Variants in CSNK1G1 observed in about 807,000 individuals in gnomAD.
The protein encoded by CSNK1G1 is casein kinase 1 gamma 1.
CSNK1G1 carries 22 observed loss-of-function variants against 59.6 expected under a neutral mutation model. The observed-to-expected ratio is 0.37, with a 90% CI of 0.26 to 0.53. The LOEUF (loss-of-function observed/expected upper bound fraction) is 0.53. Ranked by LOEUF, CSNK1G1 falls within the 20% of genes least tolerant of loss-of-function variation. CSNK1G1 has a pLI of 0.89. For missense variants in CSNK1G1, 384 were observed against 519.5 expected (o/e 0.74, Z 2.54); for synonymous variants, 179 against 177.1 (o/e 1.01, Z -0.08).
chr15:64,344,764 T>C (rs1304664699), intron 1 of CSNK1G1, among the ~76,000 whole-genome samples: 2 of 152,192 alleles, frequency 1.3e-5, no homozygotes, highest in African/African-American at 4.8e-5. Context: ...TGTACAATCT[T>C]GAGCAAGTCA....
In CSNK1G1 at chr15:64,171,903, G is replaced by A. The variant is rs199593183; in HGVS notation, c.*28C>T. 203 of 1,602,746 alleles carry A rather than the reference G, an allele frequency of 1.3e-4. No individual in the cohort carries two copies. Among genetic ancestry groups the A allele is most frequent in the Middle Eastern group, 3.3e-4 (2 of 6,024 alleles). On this transcript the variant is annotated 3_prime_UTR_variant, in exon 12 of 12. Transcript: ENST00000303052. This position sits in a 1 kb window ranked among gnomAD's most constrained non-coding sequence, Gnocchi z 4.8. ...AGGTACAATTGAGTCAGAGTCCCCA[G>A]GGCCTGAGGACTCCTGGGAGGCACT...
intron 4 of CSNK1G1, among the ~76,000 whole-genome samples, chr15:64,228,075 T>G (rs1304091930): frequency 3.9e-5 from 6 of 152,094 alleles, no homozygotes; most frequent in Admixed American, 3.9e-4. Context: ...CCTTTTGGCT[T>G]CCCTTATTTT....
intron 4 of CSNK1G1, among the ~76,000 whole-genome samples, chr15:64,237,966 T>C (rs572178946): frequency 2.0e-5 from 3 of 152,324 alleles, no homozygotes; most frequent in South Asian, 2.1e-4. Context: ...AGCTTCTCAG[T>C]TGTATACATG....
intron 1 of CSNK1G1, among the ~76,000 whole-genome samples, chr15:64,316,085 A>C (rs1310933329): frequency 1.3e-5 from 2 of 152,154 alleles, no homozygotes; most frequent in Non-Finnish European, 2.9e-5. Context: ...GGAGTGCAGT[A>C]GCATGGTCAG....
Position 64,300,531 on chromosome 15 carries a change from G to A in CSNK1G1, c.-32C>T. On this transcript the variant is annotated 5_prime_UTR_variant, in exon 2 of 12. Coordinates refer to ENST00000303052, the MANE Select transcript of CSNK1G1 (RefSeq NM_022048.5). ...ACAGGACAGAGTCTCCTATAGTACA[G>A]CAAGTAGCTTCAGTATGTATACCTC... 1.9e-6 allele frequency: 3 copies of A among 1,595,146 alleles called. No individual in the cohort carries two copies. Among genetic ancestry groups the A allele is most frequent in the Admixed American group, 1.7e-5 (1 of 57,280 alleles).
chr15:64,204,892 T>A lies in CSNK1G1; in HGVS notation c.823A>T (p.Ile275Phe). 1 of 1,611,604 alleles carries A rather than the reference T, an allele frequency of 6.2e-7. No individual in the cohort carries two copies. The highest frequency in any genetic ancestry group is 8.5e-7 in the Non-Finnish European group (1 of 1,177,742). Residue 275 changes from isoleucine to phenylalanine, a missense_variant, in exon 8 of 12, where the codon ATT (isoleucine) becomes TTT (phenylalanine). Physicochemically the swap from Ile to Phe is conservative, Grantham distance 21. Transcript: ENST00000303052. The part of the protein sequence containing the change: ...KIGDTKRNTP[I>F]EALCENFPEE... ...GGAAAGTTCTCACAGAGAGCTTCAA[T>A]GGGAGTATTCCTTTTGGTGTCACCA...
intron 1 of CSNK1G1, among the ~76,000 whole-genome samples, chr15:64,333,126 G>A (rs552180916): frequency 4.0e-5 from 6 of 151,546 alleles, no homozygotes; most frequent in South Asian, 2.1e-4. Flanking sequence ...GTATGGTGGC[G>A]GGCACCTGTA....
chr15:64,172,951 C>T (rs1361649376), intron 11 of CSNK1G1, among the ~76,000 whole-genome samples: 1 of 152,054 alleles, frequency 6.6e-6, no homozygotes, highest in East Asian at 1.9e-4. Flanking sequence ...GCAAGGTGTA[C>T]AAGATATGTC....
At chr15:64,245,332 T>C (rs1182921585) in intron 4 of CSNK1G1, among the ~76,000 whole-genome samples, 1 of 152,278 alleles carries the variant, frequency 6.6e-6, no homozygotes, top group African/African-American at 2.4e-5. Flanking sequence ...AGAGAAAATA[T>C]AATATATGCA....
Position 64,169,402 on chromosome 15 carries a change from T to A in CSNK1G1, c.*2529A>T, listed in dbSNP as rs2081639654. On this transcript the variant is annotated 3_prime_UTR_variant, in exon 12 of 12. Transcript: ENST00000303052. ...AGCATGCCACCATGCCCAGCTAATTTTTGTATTTTTTGTAGAGACGGGGTT... is the reference window on the plus strand; with the variant it reads ...AGCATGCCACCATGCCCAGCTAATTATTGTATTTTTTGTAGAGACGGGGTT... The A allele has an allele frequency of 6.6e-6, 1 of 152,096 alleles. No individual in the cohort carries two copies. Among genetic ancestry groups the A allele is most frequent in the African/African-American group, 2.4e-5 (1 of 41,394 alleles). 9.4% of individuals were successfully genotyped at this position (152,096 alleles called of 1,614,324 possible).
intron 4 of CSNK1G1, among the ~76,000 whole-genome samples, chr15:64,225,818 G>A (rs930255369): frequency 6.6e-6 from 1 of 152,100 alleles, no homozygotes; most frequent in Admixed American, 6.5e-5. Context: ...GTAGAGTCGG[G>A]GTTTCGCTAT....
intron 4 of CSNK1G1, among the ~76,000 whole-genome samples, chr15:64,231,382 T>C (rs1380671557): frequency 6.8e-6 from 1 of 147,702 alleles, no homozygotes; most frequent in East Asian, 1.9e-4. Flanking sequence ...AACATATATA[T>C]ATTTGGAGAT....
chr15:64,175,548 C>G (rs1158322699), intron 11 of CSNK1G1, among the ~76,000 whole-genome samples: 1 of 152,146 alleles, frequency 6.6e-6, no homozygotes, highest in Non-Finnish European at 1.5e-5. Flanking sequence ...TCCATAAACT[C>G]CATGTTATTC....
chr15:64,258,841 A>G (rs1296107591), intron 3 of CSNK1G1, among the ~76,000 whole-genome samples: 1 of 152,160 alleles, frequency 6.6e-6, no homozygotes, highest in Non-Finnish European at 1.5e-5. Flanking sequence ...TACAAAAAAT[A>G]AATCAGTTAA....
intron 10 of CSNK1G1, among the ~76,000 whole-genome samples, chr15:64,199,350 G>A (rs982777716): frequency 6.6e-6 from 1 of 150,700 alleles, no homozygotes; most frequent in Admixed American, 6.6e-5. Flanking sequence ...AATAAGCATA[G>A]TAGTTAAATA....
intron 1 of CSNK1G1, among the ~76,000 whole-genome samples, chr15:64,325,989 A>C (rs1896815827): frequency 6.6e-6 from 1 of 152,156 alleles, no homozygotes; most frequent in Non-Finnish European, 1.5e-5. Context: ...TTTGCATCTC[A>C]GCTTTCAGTT....
intron 2 of CSNK1G1, among the ~76,000 whole-genome samples, chr15:64,279,278 A>G (rs988951380): frequency 6.6e-6 from 1 of 152,226 alleles, no homozygotes; most frequent in Non-Finnish European, 1.5e-5. Flanking sequence ...CCTCCTCTCA[A>G]TGACTAACTC....
chr15:64,224,399 T>C (rs1354509329), intron 4 of CSNK1G1, among the ~76,000 whole-genome samples: 3 of 152,170 alleles, frequency 2.0e-5, no homozygotes, highest in African/African-American at 7.2e-5. Context: ...ATAAATGAGA[T>C]GTTATTCCAT....
At chr15:64,281,775 AG>A (rs1351946520) in intron 2 of CSNK1G1, among the ~76,000 whole-genome samples, 1 of 151,850 alleles carries the variant, frequency 6.6e-6, no homozygotes, top group Non-Finnish European at 1.5e-5. Flanking sequence ...GAAAGGCAGA[AG>A]TTGCAGTGAG....
Sources: allele counts gnomAD v4.1 joint callset (sites outside exome capture counted in the v4.1 genomes callset), GRCh38; gene constraint gnomAD v4.1.1; non-coding constraint Gnocchi (gnomAD v3.1); transcripts MANE v1.5; gene names NCBI Gene and HGNC (gene_info 2026-07-23, HGNC 2026-07-21).